RANBP17: variants seen among roughly 807,000 people sequenced by gnomAD.
The protein encoded by RANBP17 is ran-binding protein 17.
A neutral mutation model predicts 141.2 loss-of-function variants in RANBP17; 158 were observed. The observed-to-expected ratio is 1.12, with a 90% CI of 0.98 to 1.28. The LOEUF (loss-of-function observed/expected upper bound fraction) is 1.28. Among genes scored for constraint, RANBP17 ranks in the 50% most tolerant of loss-of-function variants. The pLI is 0.00. For missense variants in RANBP17, 1,438 were observed against 1,290.7 expected, an observed-to-expected ratio of 1.11 and a Z score of -1.75; for synonymous variants, 430 against 450.0, an observed-to-expected ratio of 0.96 and a Z score of 0.56.
At chr5:170,883,527 A>G (rs572723919) in intron 3 of RANBP17, among the ~76,000 whole-genome samples, 3 of 152,326 alleles carry the variant, frequency 2.0e-5, no homozygotes, top group Admixed American at 6.5e-5. Context: ...TGTTAATACA[A>G]TGACATGTAT....
intron 24 of RANBP17, chr5:171,252,671 T>G (rs764512609): frequency 1.0e-5 from 15 of 1,439,366 alleles, no homozygotes; most frequent in African/African-American, 1.4e-5. Context: ...CTTAGTCTAT[T>G]TAACACTTCA....
In RANBP17 at chr5:170,968,315, C is replaced by G; in HGVS notation, c.1648C>G (p.Leu550Val). 1 of 1,609,290 alleles carries G rather than the reference C, an allele frequency of 6.2e-7. No homozygotes were observed. Among genetic ancestry groups the G allele is most frequent in the Non-Finnish European group, 8.5e-7 (1 of 1,177,772 alleles). The change falls in exon 14 of 28, where the codon CTG (leucine) becomes GTG (valine). Residue 550 changes from leucine (L) to valine (V), a missense_variant. Transcript: ENST00000523189. Reference protein sequence around the residue: ...CCNEKIELAILWFLDQFRKTY... With the variant: ...CCNEKIELAIVWFLDQFRKTY... ...TAATGAGAAAATAGAGCTTGCAATT[C>G]TGTGGTTCTTGGATCAGTTTCGTAA...
intron 14 of RANBP17, among the ~76,000 whole-genome samples, chr5:171,125,561 C>G (rs377108083): frequency 6.6e-5 from 10 of 152,292 alleles, no homozygotes; most frequent in African/African-American, 2.4e-4. Flanking sequence ...AAGTCCCCAG[C>G]TATTATTGTA....
intron 14 of RANBP17, among the ~76,000 whole-genome samples, chr5:170,986,496 C>A (rs893285441): frequency 1.3e-5 from 2 of 151,854 alleles, no homozygotes; most frequent in African/African-American, 4.8e-5. Flanking sequence ...AATGGATACC[C>A]CAATTACCCT....
At chr5:171,118,646 G>A (rs1241039164) in intron 14 of RANBP17, among the ~76,000 whole-genome samples, 1 of 151,898 alleles carries the variant, frequency 6.6e-6, no homozygotes, top group Non-Finnish European at 1.5e-5. Context: ...TATTTTTGTA[G>A]CTAGTATTGT....
chr5:171,025,585 C>CTT (rs571015455), intron 14 of RANBP17, among the ~76,000 whole-genome samples: 2,422 of 137,288 alleles, frequency 0.018, 41 homozygotes, highest in Non-Finnish European at 0.025. Context: ...TTCTTTTTTT[C>CTT]TTTTTTTTTT....
intron 14 of RANBP17, among the ~76,000 whole-genome samples, chr5:171,000,583 G>C (rs1779132495): frequency 6.6e-6 from 1 of 152,128 alleles, no homozygotes; most frequent in Non-Finnish European, 1.5e-5. Flanking sequence ...TCCGTGTCAT[G>C]CGCGTCCGTG....
intron 14 of RANBP17, among the ~76,000 whole-genome samples, chr5:171,066,540 T>C (rs948693056): frequency 6.6e-6 from 1 of 152,244 alleles, no homozygotes; most frequent in African/African-American, 2.4e-5. Context: ...ACTGTATGTA[T>C]ATACCACATT....
intron 14 of RANBP17, among the ~76,000 whole-genome samples, chr5:171,119,837 C>T (rs546061953): frequency 2.5e-4 from 38 of 151,964 alleles, no homozygotes; most frequent in Admixed American, 7.2e-4. Flanking sequence ...GTCAGGAGTT[C>T]GAGACCAGCC....
At chr5:170,979,824 G>A (rs1490282544) in intron 14 of RANBP17, among the ~76,000 whole-genome samples, 1 of 152,198 alleles carries the variant, frequency 6.6e-6, no homozygotes, top group Admixed American at 6.5e-5. Flanking sequence ...AAGTAAATTG[G>A]TACTGGGAGT....
chr5:170,913,641 A>C (rs1421238263), intron 7 of RANBP17, among the ~76,000 whole-genome samples: 1 of 152,064 alleles, frequency 6.6e-6, no homozygotes, highest in Non-Finnish European at 1.5e-5. Context: ...AGAGAGTGGT[A>C]GGGGTGGTAG....
chr5:171,233,565 AAAT>A (rs1402562205), intron 22 of RANBP17, among the ~76,000 whole-genome samples: 7 of 152,228 alleles, frequency 4.6e-5, no homozygotes, highest in African/African-American at 2.4e-5. Context: ...CACTAAAAAA[AAAT>A]AAATAAAGCT....
chr5:171,059,118 G>C (rs1220495360), intron 14 of RANBP17, among the ~76,000 whole-genome samples: 1 of 151,740 alleles, frequency 6.6e-6, no homozygotes, highest in Non-Finnish European at 1.5e-5. Flanking sequence ...TAGGTTGCCT[G>C]TTCACTCTGA....
chr5:171,046,422 A>T (rs1329876550), intron 14 of RANBP17, among the ~76,000 whole-genome samples: 3 of 151,810 alleles, frequency 2.0e-5, no homozygotes, highest in Admixed American at 1.3e-4. Flanking sequence ...GTTGGGCAGG[A>T]TGGTCTTGAT....
At chr5:170,950,964 G>A (rs1014489547) in intron 12 of RANBP17, among the ~76,000 whole-genome samples, 1 of 152,012 alleles carries the variant, frequency 6.6e-6, no homozygotes, top group Non-Finnish European at 1.5e-5. Flanking sequence ...AATAAGCCTG[G>A]CACGGAAAGA....
At chr5:171,102,130 C>T (rs979377389) in intron 14 of RANBP17, among the ~76,000 whole-genome samples, 6 of 152,198 alleles carry the variant, frequency 3.9e-5, no homozygotes, top group South Asian at 2.1e-4. Flanking sequence ...TGAACTTGAA[C>T]GTTGGCCTGT....
At chr5:171,232,601 C>T (rs1764270763) in intron 22 of RANBP17, among the ~76,000 whole-genome samples, 1 of 152,064 alleles carries the variant, frequency 6.6e-6, no homozygotes, top group Admixed American at 6.5e-5. Flanking sequence ...CCATTTTTCA[C>T]TTGGTACAGG....
rs552117528 is a variant in RANBP17, at chr5:171,253,134, A to G, written c.2776+10314A>G. ...CTTTGCACACGATAAAGCAAAGACGATGGATTGACAAGCCCTTCCGATCAC... is the reference window on the plus strand; with the variant it reads ...CTTTGCACACGATAAAGCAAAGACGGTGGATTGACAAGCCCTTCCGATCAC... On this transcript the variant is annotated intron_variant, in intron 24 of 27. Transcript: ENST00000523189. 2.6e-5 allele frequency among the ~76,000 whole-genome samples: 4 copies of G among 152,322 alleles called. No individual in the cohort carries two copies. The South Asian group carries it at 8.3e-4, about 32-fold the overall frequency.
At position 171,242,676 on chromosome 5, in the gene RANBP17, T is replaced by A. The variant is rs1199127618; in HGVS notation, c.2638-6T>A. ...GCTTGACATTTAGTATATCTCTGTGTTGTAGCAATACCGGAAACTGAGCCA... is the reference window on the plus strand; with the variant it reads ...GCTTGACATTTAGTATATCTCTGTGATGTAGCAATACCGGAAACTGAGCCA... On this transcript the variant is annotated splice_region_variant and splice_polypyrimidine_tract_variant and intron_variant, in intron 23 of 27. Coordinates refer to ENST00000523189, the MANE Select transcript of RANBP17 (RefSeq NM_022897.5). 2.5e-6 allele frequency: 4 copies of A among 1,613,232 alleles called. No homozygotes were observed. The highest frequency in any genetic ancestry group is 3.4e-6 in the Non-Finnish European group (4 of 1,179,744).
Sources: gnomAD v4.1 joint callset for allele counts (sites outside exome capture counted in the v4.1 genomes callset) on GRCh38, gnomAD v4.1.1 for gene constraint, MANE v1.5 for transcripts, NCBI Gene and HGNC (gene_info 2026-07-23, HGNC 2026-07-21) for gene names.